The following FAM117A variants were observed in gnomAD, a reference collection of about 807,000 sequenced individuals.
FAM117A encodes the protein family with sequence similarity 117 member A, also known as protein FAM117A.
FAM117A carries 21 observed loss-of-function variants against 44.1 expected under a neutral mutation model. The ratio of observed to expected loss-of-function variants is 0.48; its 90% CI spans 0.34 to 0.69. FAM117A has a LOEUF of 0.69. Ranked by LOEUF, FAM117A falls within the 30% of genes least tolerant of loss-of-function variation. The pLI is 0.01. For missense variants in FAM117A, 498 were observed against 589.9 expected, an observed-to-expected ratio of 0.84 and a Z score of 1.61; for synonymous variants, 220 against 238.3, an observed-to-expected ratio of 0.92 and a Z score of 0.71.
At chr17:49,746,809 G>A (rs779563167) in intron 1 of FAM117A, among the ~76,000 whole-genome samples, 18 of 152,166 alleles carry the variant, frequency 1.2e-4, no homozygotes, top group Non-Finnish European at 2.4e-4. Flanking sequence ...AAATGAATTA[G>A]AATTTATCGG....
intron 5 of FAM117A, 57 bp from the exon 6 acceptor site, chr17:49,717,771 C>A: frequency 7.1e-7 from 1 of 1,406,738 alleles, no homozygotes; most frequent in Non-Finnish European, 9.7e-7. Flanking sequence ...CCTGCAGCAG[C>A]ACAGTGACCC....
chr17:49,737,545 A>G (rs961024276), intron 1 of FAM117A, among the ~76,000 whole-genome samples: 10 of 152,182 alleles, frequency 6.6e-5, no homozygotes, highest in African/African-American at 2.4e-4. Flanking sequence ...AGGCTGAGGG[A>G]TAAGTGACAG....
chr17:49,715,819 G>A (rs956858256), intron 7 of FAM117A, among the ~76,000 whole-genome samples: 3 of 151,662 alleles, frequency 2.0e-5, no homozygotes, highest in Admixed American at 6.6e-5. Context: ...TCTCGCTCTC[G>A]CTCTCTCTCT....
At chr17:49,732,829 T>C in intron 1 of FAM117A, 109 bp from the exon 2 acceptor site, 1 of 1,157,066 alleles carries the variant, frequency 8.6e-7, no homozygotes. Context: ...TCTTCACTCA[T>C]ATCCACCACT....
intron 7 of FAM117A, among the ~76,000 whole-genome samples, chr17:49,713,689 T>G (rs1042659511): frequency 6.6e-5 from 10 of 151,890 alleles, no homozygotes; most frequent in African/African-American, 2.4e-4. Flanking sequence ...TAACATTTTT[T>G]GTAGAGAGGG....
intron 3 of FAM117A, among the ~76,000 whole-genome samples, chr17:49,722,131 G>A (rs899917901): frequency 6.6e-6 from 1 of 152,100 alleles, no homozygotes; most frequent in African/African-American, 2.4e-5. Context: ...TAGATGAGTA[G>A]TTAAGAAGTA....
At chr17:49,727,997 G>A (rs879408269) in intron 2 of FAM117A, among the ~76,000 whole-genome samples, 3 of 152,232 alleles carry the variant, frequency 2.0e-5, no homozygotes, top group South Asian at 2.1e-4. Context: ...CAAAAAGGCC[G>A]GAAAAGGCTC....
At chr17:49,774,095 G>T (rs1010058890) in intron 1 of FAM117A, among the ~76,000 whole-genome samples, 10 of 152,260 alleles carry the variant, frequency 6.6e-5, no homozygotes, top group South Asian at 6.2e-4. Flanking sequence ...TTTAAATATG[G>T]TTGTCTTTTC....
intron 3 of FAM117A, among the ~76,000 whole-genome samples, chr17:49,721,825 C>T (rs1363940845): frequency 1.3e-5 from 2 of 152,134 alleles, no homozygotes; most frequent in African/African-American, 4.8e-5. Flanking sequence ...CGTGGTGGCT[C>T]ACGCCTGTAA....
intron 1 of FAM117A, among the ~76,000 whole-genome samples, chr17:49,745,638 A>G (rs2073651842): frequency 6.6e-6 from 1 of 152,204 alleles, no homozygotes; most frequent in South Asian, 2.1e-4. Flanking sequence ...CAGGCCCCAG[A>G]TCTAACTTCC....
rs1018805578 is a variant in FAM117A at position 49,752,536 on chromosome 17, T to A, written c.196+11356A>T. On this transcript the variant is annotated intron_variant, in intron 1 of 7. Coordinates refer to ENST00000240364, the MANE Select transcript of FAM117A (RefSeq NM_030802.4). ...GGTTTCACATCATCACACATAAGAA[T>A]CCTTTTCCTGTAAGATCCATCTTCG... Among the ~76,000 whole-genome samples the A allele has an allele frequency of 1.1e-4, 16 of 152,102 alleles. 1 individual carries two copies. The highest frequency in any genetic ancestry group is 2.9e-5 in the Non-Finnish European group (2 of 68,028).
chr17:49,742,490 G>A (rs1299552815), intron 1 of FAM117A, among the ~76,000 whole-genome samples: 1 of 152,198 alleles, frequency 6.6e-6, no homozygotes, highest in African/African-American at 2.4e-5. Context: ...AAAGGAAGTG[G>A]TGTGAACTTT....
At chr17:49,770,236 C>T (rs2073756864) in intron 1 of FAM117A, among the ~76,000 whole-genome samples, 1 of 142,728 alleles carries the variant, frequency 7.0e-6, no homozygotes, top group South Asian at 2.2e-4. Context: ...CGCCACTGCA[C>T]TCCAGCCTGG....
intron 2 of FAM117A, chr17:49,724,573 C>T (rs1455166199): frequency 4.5e-6 from 2 of 441,212 alleles, no homozygotes; most frequent in African/African-American, 4.0e-5. Context: ...TGGCTCATGC[C>T]TGTAATCCCA....
chr17:49,745,013 CAAA>C (rs34358343), intron 1 of FAM117A, among the ~76,000 whole-genome samples: 3 of 71,944 alleles, frequency 4.2e-5, no homozygotes, highest in Non-Finnish European at 5.0e-5. Flanking sequence ...GACTCTGTCT[CAAA>C]AAAAAAAAAA....
intron 6 of FAM117A, among the ~76,000 whole-genome samples, 196 bp downstream of exon 6, chr17:49,717,317 C>T (rs2073508907): frequency 2.6e-5 from 4 of 152,222 alleles, no homozygotes; most frequent in Admixed American, 2.6e-4. Flanking sequence ...GCAGTGACTT[C>T]ATAAATTATC....
At chr17:49,742,200 A>G (rs2073637283) in intron 1 of FAM117A, among the ~76,000 whole-genome samples, 1 of 152,040 alleles carries the variant, frequency 6.6e-6, no homozygotes, top group Non-Finnish European at 1.5e-5. Context: ...TTAATTACTG[A>G]CTCCATATTT....
rs771386838 is a variant in FAM117A at position 49,720,431 on chromosome 17, G to C, written c.468C>G (p.Ser156=). 42 of 1,612,586 alleles carry C rather than the reference G, an allele frequency of 2.6e-5. No homozygotes were observed. Among genetic ancestry groups the C allele is most frequent in the Non-Finnish European group, 3.5e-5 (41 of 1,179,894 alleles). Reference sequence around the variant, plus strand: ...TCCTCTGCAGTTGTTGCTTCAACTTGGAAATCTAGCAGCCCAGAGAGAAGA... The same window carrying C: ...TCCTCTGCAGTTGTTGCTTCAACTTCGAAATCTAGCAGCCCAGAGAGAAGA... ...WGSTDHRKEI[S]KLKQQLQRTK... Residue 156 remains serine (S), a synonymous_variant, in exon 4 of 8, where the codon TCC becomes TCG. Coordinates refer to ENST00000240364, the MANE Select transcript of FAM117A (RefSeq NM_030802.4).
At chr17:49,732,170 A>G (rs563337228) in intron 2 of FAM117A, 6 of 173,920 alleles carry the variant, frequency 3.4e-5, no homozygotes, top group African/African-American at 1.4e-4. Flanking sequence ...CTAAACTGAA[A>G]AACCCAGATT....
Sources: allele counts gnomAD v4.1 joint callset (sites outside exome capture counted in the v4.1 genomes callset), GRCh38; gene constraint gnomAD v4.1.1; transcripts MANE v1.5; gene names NCBI Gene and HGNC (gene_info 2026-07-23, HGNC 2026-07-21).